Variants in AP4M1 observed in about 807,000 individuals in gnomAD.
AP4M1 encodes AP-4 complex subunit mu-1.
Under a neutral mutation model 62.4 loss-of-function variants are expected in AP4M1, and 58 were observed. The ratio of observed to expected loss-of-function variants is 0.93; its 90% CI spans 0.75 to 1.16. AP4M1 has a LOEUF of 1.16. Ranked by LOEUF, AP4M1 falls within the 50% of genes most tolerant of loss-of-function variation. The pLI, the probability that AP4M1 is intolerant of heterozygous loss-of-function variation, is 0.00. For missense variants in AP4M1, 626 were observed against 585.4 expected (o/e 1.07, Z -0.72); for synonymous variants, 290 against 239.7 (o/e 1.21, Z -1.94).
At chr7:100,106,169 A>G (rs1018006125) in intron 12 of AP4M1, 72 bp from the exon 13 acceptor site, 1 of 1,581,248 alleles carries the variant, frequency 6.3e-7, no homozygotes, top group Non-Finnish European at 8.7e-7. Context: ...AAATCCTGTT[A>G]TGACATTGAA....
intron 6 of AP4M1, 51 bp downstream of exon 6, chr7:100,103,743 G>A (rs556027280): frequency 6.3e-5 from 100 of 1,586,626 alleles, no homozygotes; most frequent in South Asian, 1.7e-4. Context: ...TCTGGGATCC[G>A]GGAGTCCAAG....
intron 6 of AP4M1, 35 bp from the exon 7 acceptor site, chr7:100,104,057 T>C (rs947639447): frequency 4.4e-6 from 7 of 1,596,936 alleles, no homozygotes; most frequent in Non-Finnish European, 5.2e-6. Context: ...TAGGCTATTC[T>C]GCTTCCAACC....
Position 100,105,030 on chromosome 7 carries a change from T to C in AP4M1, c.674-15T>C. 6.2e-7 allele frequency: 1 copy of C among 1,614,072 alleles called. No homozygotes were observed. The highest frequency in any genetic ancestry group is 8.5e-7 in the Non-Finnish European group (1 of 1,180,000). On this transcript the variant is annotated splice_polypyrimidine_tract_variant and intron_variant, in intron 8 of 14. Transcript: ENST00000359593. ...TGGCATTGCTGAGCTCTCCTGATGG[T>C]CTCTCCTCCGACAGAGATGCGCATT...
At chr7:100,102,358 T>C (rs1287771348) in intron 2 of AP4M1, 10 of 495,292 alleles carry the variant, frequency 2.0e-5, no homozygotes, top group Non-Finnish European at 3.3e-5. Flanking sequence ...GACACCGCAC[T>C]CCAGCCTGGG....
At chr7:100,101,202 C>T (rs964000423), upstream of AP4M1, 30 of 1,602,770 alleles carry the variant, frequency 1.9e-5, no homozygotes, top group Non-Finnish European at 2.5e-5. Flanking sequence ...CAGCTCACAC[C>T]AACAGGTGTT....
intron 4 of AP4M1, 56 bp downstream of exon 4, chr7:100,103,016 C>A: frequency 1.5e-6 from 2 of 1,365,824 alleles, no homozygotes; most frequent in Non-Finnish European, 2.1e-6. Context: ...GAAGATACAT[C>A]TGCTCTTCTA....
At chr7:100,104,224 A>G (rs1317993609) in intron 7 of AP4M1, 70 bp downstream of exon 7, 58 of 1,342,916 alleles carry the variant, frequency 4.3e-5, no homozygotes, top group Non-Finnish European at 6.0e-5. Flanking sequence ...GGTGGCTAAG[A>G]CTCCCAGCAA....
upstream of AP4M1, chr7:100,101,276 C>T (rs776444840): frequency 1.9e-6 from 3 of 1,613,284 alleles, no homozygotes; most frequent in Non-Finnish European, 1.7e-6. Flanking sequence ...TTCTCTAGCG[C>T]GTAGTCCTTC....
At chr7:100,101,816 C>T (rs1270076679) in intron 1 of AP4M1, 44 bp downstream of exon 1, 13 of 654,946 alleles carry the variant, frequency 2.0e-5, no homozygotes, top group African/African-American at 1.5e-4. Flanking sequence ...AGGGGCCGGG[C>T]GGGAGGGGCG....
In AP4M1 at chr7:100,107,355, G is replaced by T; in HGVS notation, c.*473G>T. On this transcript the variant is annotated 3_prime_UTR_variant, in exon 15 of 15. Coordinates refer to ENST00000359593, the MANE Select transcript of AP4M1 (RefSeq NM_004722.4). ...AGCCTCCTGCTTCCCCCCACAAAGG[G>T]CACTGCCGCTGAGTGGGGACGGGGA... 6.4e-7 allele frequency: 1 copy of T among 1,561,996 alleles called. No individual in the cohort carries two copies. Among genetic ancestry groups the T allele is most frequent in the South Asian group, 1.2e-5 (1 of 83,514 alleles).
intron 11 of AP4M1, 125 bp from the exon 12 acceptor site, chr7:100,105,834 C>CTGA (rs1796426162): frequency 1.3e-5 from 15 of 1,193,166 alleles, no homozygotes; most frequent in Non-Finnish European, 1.8e-5. Context: ...GGCTGGGCTT[C>CTGA]AGCCCTTTTC....
Position 100,103,617 on chromosome 7 carries a change from G to A in AP4M1, c.468G>A (p.Gly156=). ...LFDLSSVGLF[G]AETQQSKVAP... ...TTGCTTTGGATGCTTTACAGTTTGG[G>A]GCTGAGACACAACAGAGCAAAGTGG... Residue 156 remains glycine (G), a synonymous_variant, in exon 6 of 15, where the codon GGG becomes GGA. Coordinates refer to ENST00000359593, the MANE Select transcript of AP4M1 (RefSeq NM_004722.4). 1 of 1,614,018 alleles carries A rather than the reference G, an allele frequency of 6.2e-7. No individual in the cohort carries two copies. Among genetic ancestry groups the A allele is most frequent in the Non-Finnish European group, 8.5e-7 (1 of 1,180,012 alleles).
chr7:100,104,152 A>T lies in AP4M1; in HGVS notation c.604A>T (p.Asn202Tyr), dbSNP rs375780757. ...VERLSVLIASNGSLLKVDVQG... is the reference protein window; with the variant it reads ...VERLSVLIASYGSLLKVDVQG... ...GAGATTGTCTGTACTGATAGCATCT[A>T]ATGTAAGTTTGAGCTCCCAAACCTG... Residue 202 changes from asparagine to tyrosine, a missense_variant and splice_region_variant, in exon 7 of 15, where the codon AAT (asparagine) becomes TAT (tyrosine). Physicochemically the swap from Asn to Tyr is moderately radical, Grantham distance 143. Transcript: ENST00000359593. The T allele has an allele frequency of 6.2e-7, 1 of 1,613,758 alleles. No homozygotes were observed. Among genetic ancestry groups the T allele is most frequent in the African/African-American group, 1.3e-5 (1 of 74,912 alleles).
Position 100,108,561 on chromosome 7 carries a change from C to T in AP4M1, c.*1679C>T, listed in dbSNP as rs757612084. On this transcript the variant is annotated 3_prime_UTR_variant, in exon 15 of 15. Transcript: ENST00000359593. ...TGTTTCTGCAGAACAGAAAAAAAGC[C>T]AGGTAGAGGGAGGGCTGGGGAAAAA... The T allele has an allele frequency of 1.9e-6, 3 of 1,579,408 alleles. No homozygotes were observed. The East Asian group carries it at 6.8e-5, about 36-fold the overall frequency.
rs1288101902 is a variant in AP4M1, at chr7:100,103,690, C to T, written c.541C>T (p.Gln181Ter). The change falls in exon 6 of 15, where the codon CAG becomes TAG. Residue 181 changes from glutamine to a stop codon, truncating the protein, a stop_gained and splice_region_variant. Coordinates refer to ENST00000359593, the MANE Select transcript of AP4M1 (RefSeq NM_004722.4). LOFTEE classifies it high-confidence loss of function. ...CCCCGTCCTGTCCAGTCGCTCTGAC[C>T]AGGTGAGGGAAGGATCCATGGGGTC... ...SRPVLSSRSDQSQKNEVFLDV... is the reference protein window; with the variant it reads ...SRPVLSSRSD The T allele has an allele frequency of 6.8e-6, 11 of 1,611,870 alleles. No homozygotes were observed. The highest frequency in any genetic ancestry group is 2.2e-5 in the South Asian group (2 of 91,004).
chr7:100,108,077 C>G lies in AP4M1; in HGVS notation c.*1195C>G, dbSNP rs543812506. 2 of 1,611,308 alleles carry G rather than the reference C, an allele frequency of 1.2e-6. No individual in the cohort carries two copies. The highest frequency in any genetic ancestry group is 1.7e-6 in the Non-Finnish European group (2 of 1,179,318). On this transcript the variant is annotated 3_prime_UTR_variant, in exon 15 of 15. Coordinates refer to ENST00000359593, the MANE Select transcript of AP4M1 (RefSeq NM_004722.4). ...AGGAACCTTCAGCAAGCCAGGGGTG[C>G]GAGGGCCAGGCTGTGGGGCCTGCGA... is the stretch of plus-strand genomic sequence containing the variant.
chr7:100,104,234 A>G lies in AP4M1; in HGVS notation c.606+80A>G, dbSNP rs958276096. ...GGTGGGGTGGCTAAGACTCCCAGCA[A>G]CGGCCGGGCACAGTGGCTCATGCTT... On this transcript the variant is annotated intron_variant, in intron 7 of 14. Transcript: ENST00000359593. The G allele has an allele frequency of 5.9e-5, 71 of 1,203,768 alleles. No individual in the cohort carries two copies. In the African/African-American group the frequency reaches 9.2e-4, roughly 16 times the overall value. The allele number at this position is 1,203,768 out of a possible 1,614,324, so 74.6% of individuals were successfully genotyped here. A position where few individuals can be genotyped will look rare whatever the true frequency, so the allele number is the denominator to read the frequency against.
At chr7:100,106,088 C>T (rs1562911307) in intron 12 of AP4M1, 85 bp downstream of exon 12, 2 of 1,568,292 alleles carry the variant, frequency 1.3e-6, no homozygotes, top group South Asian at 2.2e-5. Context: ...CCTTCAGATG[C>T]AGCTGCCAGC....
At position 100,107,015 on chromosome 7, in the gene AP4M1, G is replaced by A. The variant is rs1471661499; in HGVS notation, c.*133G>A. ...GAGTCCTCAGTCCCAAGACCAGGAG[G>A]GGGCAATGGGCCCAGCCTTTCTGTG... On this transcript the variant is annotated 3_prime_UTR_variant, in exon 15 of 15. Transcript: ENST00000359593. 1 of 1,248,308 alleles carries A rather than the reference G, an allele frequency of 8.0e-7. No homozygotes were observed. 77.3% of individuals were successfully genotyped at this position (1,248,308 alleles called of 1,614,324 possible).
Sources: allele counts gnomAD v4.1 joint callset, GRCh38; gene constraint gnomAD v4.1.1; transcripts MANE v1.5; gene names NCBI Gene and HGNC (gene_info 2026-07-23, HGNC 2026-07-21).